COL11A1: variants seen among roughly 807,000 people sequenced by gnomAD.
The protein encoded by COL11A1 is collagen type XI alpha 1 chain.
A neutral mutation model predicts 265.2 loss-of-function variants in COL11A1; 74 were observed. The observed-to-expected ratio is 0.28, with a 90% CI of 0.23 to 0.34. COL11A1 has a LOEUF of 0.34. Ranked by LOEUF, COL11A1 falls within the 10% of genes least tolerant of loss-of-function variation. COL11A1 has a pLI of 1.00. For missense variants in COL11A1, 2,165 were observed against 2,263.6 expected, an observed-to-expected ratio of 0.96 and a Z score of 0.88; for synonymous variants, 816 against 727.6, an observed-to-expected ratio of 1.12 and a Z score of -1.96.
At chr1:103,002,836 G>T in intron 21 of COL11A1, 45 bp from the exon 22 acceptor site, 1 of 1,544,616 alleles carries the variant, frequency 6.5e-7, no homozygotes, top group Non-Finnish European at 8.9e-7. Context: ...ATGTTTTGAT[G>T]CTAAAACAGA....
rs753977832 is a variant in COL11A1, at chr1:103,082,785, TA to T, written c.274+19del. On this transcript the variant is annotated intron_variant, in intron 2 of 66. Transcript: ENST00000370096. Reference sequence around the variant, plus strand: ...TAACTTTTAGTAATAATAACAATAATAATAATAAAGTGAATATACCTGGAAA... The same window carrying T: ...TAACTTTTAGTAATAATAACAATAATATAATAAAGTGAATATACCTGGAAA... 1.1e-5 allele frequency: 18 copies of T among 1,596,600 alleles called. 1 individual carries two copies. In the Admixed American group the frequency reaches 3.0e-4, roughly 27 times the overall value.
At chr1:103,086,359 G>A (rs902420406) in intron 1 of COL11A1, among the ~76,000 whole-genome samples, 1 of 152,106 alleles carries the variant, frequency 6.6e-6, no homozygotes, top group Non-Finnish European at 1.5e-5. Context: ...TCACAATTGG[G>A]CAGAGGTAAA....
chr1:102,938,942 G>A (rs555972509), intron 44 of COL11A1, 93 bp downstream of exon 44: 86 of 1,064,468 alleles, frequency 8.1e-5, no homozygotes, highest in East Asian at 2.4e-5. Context: ...GTATTGGCTA[G>A]GAAAGTAAGT....
chr1:102,908,217 TA>T (rs1654223914), intron 54 of COL11A1, among the ~76,000 whole-genome samples: 1 of 152,110 alleles, frequency 6.6e-6, no homozygotes. Context: ...GCCTTTGGCA[TA>T]TTTTTTTCTA....
intron 2 of COL11A1, among the ~76,000 whole-genome samples, chr1:103,081,819 G>A (rs1039122426): frequency 6.6e-6 from 1 of 151,876 alleles, no homozygotes; most frequent in Non-Finnish European, 1.5e-5. Flanking sequence ...GTGCCAGAAA[G>A]GACCATTTGA....
chr1:102,888,482 A>C (rs1383421301), intron 62 of COL11A1, 95 bp downstream of exon 62: 1 of 1,172,500 alleles, frequency 8.5e-7, no homozygotes, highest in Non-Finnish European at 1.3e-6. Flanking sequence ...CTTTTGGCAG[A>C]ATGTGCTTTT....
At position 102,987,700 on chromosome 1, in the gene COL11A1, G is replaced by C; in HGVS notation, c.2435C>G (p.Pro812Arg). ...GCCTGCTCGACCTTTGGGTCCTTCAGGGCCATCTTCCCCTCTTGGGCCAAT... is the reference window on the plus strand; with the variant it reads ...GCCTGCTCGACCTTTGGGTCCTTCACGGCCATCTTCCCCTCTTGGGCCAAT... Reference protein sequence around the residue: ...GQIGPRGEDGPEGPKGRAGPT... With the variant: ...GQIGPRGEDGREGPKGRAGPT... Residue 812 changes from proline to arginine, a missense_variant, in exon 30 of 67, where the codon CCT (proline) becomes CGT (arginine). Pro to Arg is a moderately radical substitution (Grantham distance 103, BLOSUM62 -2). Coordinates refer to ENST00000370096, the MANE Select transcript of COL11A1 (RefSeq NM_001854.4). 1 of 1,613,572 alleles carries C rather than the reference G, an allele frequency of 6.2e-7. No homozygotes were observed. The highest frequency in any genetic ancestry group is 8.5e-7 in the Non-Finnish European group (1 of 1,179,722).
At chr1:102,951,096 G>A (rs141164569) in intron 41 of COL11A1, among the ~76,000 whole-genome samples, 1,542 of 152,030 alleles carry the variant, frequency 0.01, 25 homozygotes, top group African/African-American at 0.035. Context: ...ATCTAGTCTC[G>A]GGCAGTTCTT....
At chr1:102,913,558 G>T in intron 53 of COL11A1, 79 bp downstream of exon 53, 5 of 1,351,502 alleles carry the variant, frequency 3.7e-6, no homozygotes, top group Admixed American at 1.7e-5. Context: ...TTTTTCAAAG[G>T]CTGATTACTT....
intron 1 of COL11A1, among the ~76,000 whole-genome samples, chr1:103,089,134 TA>T (rs1468383756): frequency 2.0e-5 from 3 of 152,342 alleles, no homozygotes; most frequent in South Asian, 2.1e-4. Context: ...GAAGAGTTTA[TA>T]AAACCTATGA....
At chr1:102,987,846 T>C (rs971326761) in intron 29 of COL11A1, 106 bp from the exon 30 acceptor site, 6 of 835,534 alleles carry the variant, frequency 7.2e-6, no homozygotes, top group Non-Finnish European at 1.2e-5. Context: ...ATAAACTCCA[T>C]CTTGCCTTTT....
chr1:103,028,918 C>T (rs1356504524), intron 5 of COL11A1, among the ~76,000 whole-genome samples: 1 of 151,998 alleles, frequency 6.6e-6, no homozygotes, highest in Non-Finnish European at 1.5e-5. Flanking sequence ...GATAATTTCA[C>T]TTGATAAGAA....
intron 34 of COL11A1, 50 bp downstream of exon 34, chr1:102,978,810 T>C (rs1011778181): frequency 2.5e-6 from 4 of 1,613,686 alleles, no homozygotes; most frequent in African/African-American, 2.7e-5. Context: ...AGCATCTGCC[T>C]GGAAAAAAAA....
At chr1:103,021,837 TC>T (rs770149962) in intron 8 of COL11A1, 68 bp from the exon 9 acceptor site, 2 of 1,087,914 alleles carry the variant, frequency 1.8e-6, no homozygotes, top group East Asian at 2.6e-5. Context: ...TTTCTTTTCT[TC>T]TTTTTTTTTT....
At chr1:103,059,129 A>T (rs1452751515) in intron 4 of COL11A1, among the ~76,000 whole-genome samples, 1 of 152,198 alleles carries the variant, frequency 6.6e-6, no homozygotes, top group Admixed American at 6.5e-5. Context: ...AAAGAAAAGC[A>T]TGATATAACA....
In COL11A1 at chr1:102,957,367, T is replaced by C. The variant is rs538669055; in HGVS notation, c.3168+4499A>G. On this transcript the variant is annotated intron_variant, in intron 41 of 66. Transcript: ENST00000370096. ...CATACAAACTTTGCAAATATCACTG[T>C]GAGCAATAAGGTTAGCTGATTAAAG... Among the ~76,000 whole-genome samples the C allele has an allele frequency of 2.0e-5, 3 of 152,212 alleles. No individual in the cohort carries two copies. The East Asian group carries it at 5.8e-4, about 29-fold the overall frequency.
intron 4 of COL11A1, among the ~76,000 whole-genome samples, chr1:103,035,569 A>T (rs1363708722): frequency 6.6e-6 from 1 of 152,064 alleles, no homozygotes; most frequent in Non-Finnish European, 1.5e-5. Context: ...ATCGTTTTTA[A>T]TTCATTCACT....
Position 102,999,844 on chromosome 1 carries a change from T to C in COL11A1, c.2143-1481A>G, listed in dbSNP as rs561757984. On this transcript the variant is annotated intron_variant, in intron 24 of 66. Coordinates refer to ENST00000370096, the MANE Select transcript of COL11A1 (RefSeq NM_001854.4). ...TAGTTATCATTAAAAACAAAAGTAA[T>C]AGCTTCTACTTTTTTAATATAGATG... Among the ~76,000 whole-genome samples, 24 of 152,006 alleles carry C rather than the reference T, an allele frequency of 1.6e-4. No individual in the cohort carries two copies. In the East Asian group the frequency reaches 4.6e-3, roughly 29 times the overall value.
At chr1:102,984,409 A>AC (rs766176508) in intron 30 of COL11A1, among the ~76,000 whole-genome samples, 6 of 152,082 alleles carry the variant, frequency 3.9e-5, no homozygotes, top group Non-Finnish European at 8.8e-5. Flanking sequence ...GCCTAACTTA[A>AC]CCTTTATTAT....
Sources: allele counts gnomAD v4.1 joint callset (sites outside exome capture counted in the v4.1 genomes callset), GRCh38; gene constraint gnomAD v4.1.1; transcripts MANE v1.5; gene names NCBI Gene and HGNC (gene_info 2026-07-23, HGNC 2026-07-21).